Variants in CSMD1 observed in about 807,000 individuals in gnomAD.
CSMD1 encodes the protein CUB and sushi domain-containing protein 1.
A neutral mutation model predicts 417.5 loss-of-function variants in CSMD1; 213 were observed. The ratio of observed to expected loss-of-function variants is 0.51; its 90% CI spans 0.46 to 0.57. CSMD1 has a LOEUF of 0.57. CSMD1 is among the 20% of genes least tolerant of loss of function. The pLI, the probability that CSMD1 is intolerant of heterozygous loss-of-function variation, is 0.00. For synonymous variants in CSMD1, 2,862 were observed against 1,736.8 expected, an observed-to-expected ratio of 1.65 and a Z score of -16.11; for missense variants, 6,923 against 4,529.7, an observed-to-expected ratio of 1.53 and a Z score of -15.17.
At chr8:3,736,824 G>C (rs553695790) in intron 6 of CSMD1, among the ~76,000 whole-genome samples, 48 of 152,296 alleles carry the variant, frequency 3.2e-4, no homozygotes, top group Non-Finnish European at 6.5e-4. Flanking sequence ...TGTTTTGTGA[G>C]GCTGCTGGGA....
intron 2 of CSMD1, among the ~76,000 whole-genome samples, chr8:4,616,638 T>C (rs1272854018): frequency 6.6e-6 from 1 of 152,184 alleles, no homozygotes; most frequent in Non-Finnish European, 1.5e-5. Flanking sequence ...CAGCTGACAT[T>C]GGACATGCCA....
At chr8:4,461,745 T>TG (rs984938511) in intron 2 of CSMD1, among the ~76,000 whole-genome samples, 1 of 132,050 alleles carries the variant, frequency 7.6e-6, no homozygotes, top group African/African-American at 3.0e-5. Context: ...TTACTTATTT[T>TG]TTTTTTTTTT....
chr8:4,194,648 A>T (rs1584999478), intron 3 of CSMD1, among the ~76,000 whole-genome samples: 1 of 152,162 alleles, frequency 6.6e-6, no homozygotes, highest in East Asian at 1.9e-4. Context: ...TCTTGCAAGG[A>T]AAATAAAAAC....
intron 5 of CSMD1, among the ~76,000 whole-genome samples, chr8:3,892,125 A>G (rs1015614197): frequency 8.7e-6 from 1 of 115,108 alleles, no homozygotes; most frequent in African/African-American, 2.6e-5. Context: ...CATAAGCTCT[A>G]AGATAATATC....
chr8:3,050,278 G>C (rs1811734092), intron 50 of CSMD1, among the ~76,000 whole-genome samples: 1 of 152,166 alleles, frequency 6.6e-6, no homozygotes, highest in African/African-American at 2.4e-5. Context: ...TAGAACAAGA[G>C]GGAGTAGAAT....
intron 23 of CSMD1, among the ~76,000 whole-genome samples, chr8:3,342,242 A>G (rs1807706030): frequency 1.3e-5 from 2 of 152,052 alleles, no homozygotes. Flanking sequence ...CCTAAGAGGG[A>G]TTTGAGGTGA....
At chr8:3,155,070 T>C (rs1473337323) in intron 39 of CSMD1, among the ~76,000 whole-genome samples, 1 of 152,094 alleles carries the variant, frequency 6.6e-6, no homozygotes, top group East Asian at 1.9e-4. Flanking sequence ...ATATTTACGA[T>C]GTTAAGTAAA....
At chr8:2,954,357 T>G (rs1802850371) in intron 64 of CSMD1, 89 bp from the exon 65 acceptor site, 1 of 757,890 alleles carries the variant, frequency 1.3e-6, no homozygotes, top group East Asian at 2.8e-5. Flanking sequence ...CAATTTTCCT[T>G]TCTCCAGATT....
At chr8:4,226,234 AC>A (rs1318178699) in intron 3 of CSMD1, among the ~76,000 whole-genome samples, 1 of 152,186 alleles carries the variant, frequency 6.6e-6, no homozygotes, top group East Asian at 1.9e-4. Flanking sequence ...CCCAGCAAAA[AC>A]AAAAAGTAAA....
intron 2 of CSMD1, among the ~76,000 whole-genome samples, chr8:4,467,691 G>A (rs996588030): frequency 6.6e-6 from 1 of 152,054 alleles, no homozygotes; most frequent in Admixed American, 6.6e-5. Flanking sequence ...AAATAGGGTT[G>A]GACAAGCTAT....
intron 2 of CSMD1, among the ~76,000 whole-genome samples, chr8:4,553,469 G>A (rs1647630645): frequency 1.4e-5 from 2 of 140,638 alleles, no homozygotes; most frequent in Non-Finnish European, 3.1e-5. Context: ...ACAAATGAAA[G>A]CAAACCATTT....
At chr8:4,295,222 TC>T (rs1797600478) in intron 3 of CSMD1, among the ~76,000 whole-genome samples, 1 of 65,730 alleles carries the variant, frequency 1.5e-5, no homozygotes, top group Non-Finnish European at 3.2e-5. Flanking sequence ...TTCTATATAA[TC>T]TTAAGATTAT....
At chr8:3,737,434 A>C (rs1223910286) in intron 6 of CSMD1, among the ~76,000 whole-genome samples, 2 of 152,224 alleles carry the variant, frequency 1.3e-5, no homozygotes, top group Non-Finnish European at 2.9e-5. Flanking sequence ...ATTATTTTAG[A>C]ATTAAAGTTA....
chr8:3,285,257 T>C (rs557188818), intron 25 of CSMD1, among the ~76,000 whole-genome samples: 1 of 152,350 alleles, frequency 6.6e-6, no homozygotes. Context: ...AAAACACTTA[T>C]GTCACCCTGT....
chr8:3,425,217 A>G (rs895315532), intron 12 of CSMD1, among the ~76,000 whole-genome samples: 6 of 152,196 alleles, frequency 3.9e-5, no homozygotes, highest in Admixed American at 6.5e-5. Context: ...AGCATAATAC[A>G]TATGGCTTGG....
chr8:4,910,748 A>G (rs1270972884), intron 1 of CSMD1, among the ~76,000 whole-genome samples: 2 of 152,230 alleles, frequency 1.3e-5, no homozygotes, highest in African/African-American at 2.4e-5. Flanking sequence ...GCACATAATT[A>G]TATATTGTCT....
At chr8:4,162,704 C>G (rs748918141) in intron 3 of CSMD1, among the ~76,000 whole-genome samples, 3 of 152,164 alleles carry the variant, frequency 2.0e-5, no homozygotes, top group Non-Finnish European at 2.9e-5. Flanking sequence ...CATCCCACGC[C>G]AGAGTGGTGC....
In CSMD1 at chr8:3,252,249, T is replaced by G. The variant is rs531980953; in HGVS notation, c.4154-22018A>C. ...GAAATACGTCCCATCAATACCTGAT[T>G]TATTGAGAGTTTTTAGAATGAAGGG... On this transcript the variant is annotated intron_variant, in intron 26 of 69. Transcript: ENST00000635120. Among the ~76,000 whole-genome samples, 4 of 152,308 alleles carry G rather than the reference T, an allele frequency of 2.6e-5. No homozygotes were observed. The East Asian group carries it at 7.7e-4, about 29-fold the overall frequency.
At chr8:3,850,304 T>A (rs747125142) in intron 5 of CSMD1, among the ~76,000 whole-genome samples, 10 of 152,324 alleles carry the variant, frequency 6.6e-5, no homozygotes, top group Middle Eastern at 3.4e-3. Context: ...TTGGTTTCAA[T>A]AGCTTTGTTT....
Sources: gnomAD v4.1 joint callset for allele counts (sites outside exome capture counted in the v4.1 genomes callset) on GRCh38, gnomAD v4.1.1 for gene constraint, MANE v1.5 for transcripts, NCBI Gene and HGNC (gene_info 2026-07-23, HGNC 2026-07-21) for gene names.